FOXJ2: variants seen among roughly 807,000 people sequenced by gnomAD.
The protein encoded by FOXJ2 is forkhead box J2, also known as forkhead box protein J2.
A neutral mutation model predicts 68.4 loss-of-function variants in FOXJ2; 18 were observed. The ratio of observed to expected loss-of-function variants is 0.26; its 90% CI spans 0.18 to 0.39. The LOEUF (loss-of-function observed/expected upper bound fraction) is 0.39. FOXJ2 is among the 10% of genes least tolerant of loss of function. FOXJ2 has a pLI of 1.00. For missense variants in FOXJ2, 670 were observed against 726.5 expected (o/e 0.92, Z 0.89); for synonymous variants, 274 against 263.2 (o/e 1.04, Z -0.40).
At chr12:8,044,376 A>T (rs889336240) in intron 5 of FOXJ2, among the ~76,000 whole-genome samples, 1 of 152,062 alleles carries the variant, frequency 6.6e-6, no homozygotes, top group Non-Finnish European at 1.5e-5. Flanking sequence ...CGAGCTTGAG[A>T]CCCGCCTATC....
intron 10 of FOXJ2, among the ~76,000 whole-genome samples, chr12:8,052,184 T>C (rs1947134335): frequency 6.6e-6 from 1 of 152,118 alleles, no homozygotes. Flanking sequence ...TATTATCTTC[T>C]GTATGTTATT....
intron 1 of FOXJ2, 146 bp from the exon 2 acceptor site, chr12:8,039,672 TG>T: frequency 1.5e-6 from 1 of 681,322 alleles, no homozygotes; most frequent in Non-Finnish European, 2.5e-6. Flanking sequence ...TAGATCTGCT[TG>T]GGGATTCTGG....
intron 3 of FOXJ2, among the ~76,000 whole-genome samples, chr12:8,043,233 A>AC (rs1451809743): frequency 2.0e-5 from 3 of 151,552 alleles, no homozygotes; most frequent in African/African-American, 7.3e-5. Context: ...AAAAAAAAAA[A>AC]AAAAAGACTG....
At position 8,048,747 on chromosome 12, in the gene FOXJ2, A is replaced by T; in HGVS notation, c.1276A>T (p.Lys426Ter). Reference sequence around the variant, plus strand: ...TATTGACTCTTTAAAGGAAAGCTTCAAGATGGTGAATCGGCTCAATTGGTC... The same window carrying T: ...TATTGACTCTTTAAAGGAAAGCTTCTAGATGGTGAATCGGCTCAATTGGTC... ...SNIDSLKESF[K>*]MVNRLNWSSI... The change falls in exon 8 of 11, where the codon AAG becomes TAG. Residue 426 changes from lysine (K) to a stop codon, truncating the protein, a stop_gained. Transcript: ENST00000162391. LOFTEE classifies it high-confidence loss of function. 1 of 1,614,172 alleles carries T rather than the reference A, an allele frequency of 6.2e-7. No homozygotes were observed. The highest frequency in any genetic ancestry group is 8.5e-7 in the Non-Finnish European group (1 of 1,180,036).
chr12:8,035,373 C>T lies in FOXJ2; in HGVS notation c.-15+1540C>T, dbSNP rs1159497324. Among the ~76,000 whole-genome samples the T allele has an allele frequency of 2.6e-5, 4 of 152,088 alleles. No individual in the cohort carries two copies. The highest frequency in any genetic ancestry group is 1.3e-4 in the Admixed American group (2 of 15,262). ...TGGCCTCCCCCCAGTCAATGGGAGC[C>T]CTCGTGACGGTCTACAGGACAGTCC... On this transcript the variant is annotated intron_variant, in intron 1 of 10. Transcript: ENST00000162391. The surrounding 1 kb of genome is among the most constrained non-coding windows in gnomAD (Gnocchi z 4.0).
At chr12:8,050,692 C>T (rs971554691) in intron 10 of FOXJ2, 72 bp downstream of exon 10, 177 of 1,550,570 alleles carry the variant, frequency 1.1e-4, no homozygotes, top group Non-Finnish European at 1.5e-4. Context: ...TGACTCTGAG[C>T]TGGCATTCTG....
At chr12:8,046,835 T>C (rs1565629853) in intron 6 of FOXJ2, among the ~76,000 whole-genome samples, 1 of 152,218 alleles carries the variant, frequency 6.6e-6, no homozygotes, top group African/African-American at 2.4e-5. Flanking sequence ...TTTTCATGAA[T>C]TTCTTCTTGT....
At position 8,033,097 on chromosome 12, in the gene FOXJ2, G is replaced by T. The variant is rs1473495757; in HGVS notation, c.-751G>T. The T allele has an allele frequency of 2.6e-6, 1 of 382,708 alleles. No individual in the cohort carries two copies. Among genetic ancestry groups the T allele is most frequent in the East Asian group, 3.7e-5 (1 of 26,902 alleles). 23.7% of individuals were successfully genotyped at this position (382,708 alleles called of 1,614,324 possible). On this transcript the variant is annotated 5_prime_UTR_variant, in exon 1 of 11. Transcript: ENST00000162391. ...GAAAGAAGAGACCCCTGGAGGGGAC[G>T]CCTCTCTCCTGCCTAGAGGCGAGGA...
chr12:8,038,005 G>A lies in FOXJ2; in HGVS notation c.-14-1814G>A, dbSNP rs762699000. ...GGATAAAGGGGAAACCCTTCATGAC[G>A]CTATTTATAAACATGCCAGCCCCCC... is the stretch of plus-strand genomic sequence containing the variant. On this transcript the variant is annotated intron_variant, in intron 1 of 10. Coordinates refer to ENST00000162391, the MANE Select transcript of FOXJ2 (RefSeq NM_018416.3). The surrounding 1 kb of genome is among the most constrained non-coding windows in gnomAD (Gnocchi z 5.3). Among the ~76,000 whole-genome samples the A allele has an allele frequency of 4.6e-5, 7 of 152,278 alleles. No homozygotes were observed. Among genetic ancestry groups the A allele is most frequent in the Admixed American group, 2.0e-4 (3 of 15,296 alleles).
chr12:8,043,787 G>A lies in FOXJ2; in HGVS notation c.477+18G>A, dbSNP rs1344241546. 3 of 1,614,018 alleles carry A rather than the reference G, an allele frequency of 1.9e-6. No individual in the cohort carries two copies. Among genetic ancestry groups the A allele is most frequent in the African/African-American group, 2.7e-5 (2 of 74,932 alleles). ...ATGATGATGTAAGTTCCCAGCTCAT[G>A]AGGAGATGCCATATCTGAGCCAGCT... On this transcript the variant is annotated intron_variant, in intron 4 of 10. Transcript: ENST00000162391.
intron 1 of FOXJ2, among the ~76,000 whole-genome samples, chr12:8,037,616 G>C (rs1946914787): frequency 6.6e-6 from 1 of 152,124 alleles, no homozygotes; most frequent in South Asian, 2.1e-4. Context: ...TCAACTGAAG[G>C]CCTCCGTGCT....
chr12:8,050,443 A>G (rs759336590), intron 9 of FOXJ2, 79 bp from the exon 10 acceptor site: 3 of 1,551,824 alleles, frequency 1.9e-6, no homozygotes, highest in East Asian at 4.6e-5. Context: ...GAGCAAGGGT[A>G]TATTTTTTTC....
At chr12:8,052,665 C>T in intron 10 of FOXJ2, 97 bp from the exon 11 acceptor site, 1 of 1,049,312 alleles carries the variant, frequency 9.5e-7, no homozygotes, top group Non-Finnish European at 1.4e-6. Context: ...ACAAGGCCTT[C>T]TTCGTGGTGT....
Position 8,033,294 on chromosome 12 carries a change from A to T in FOXJ2, c.-554A>T, listed in dbSNP as rs897045200. ...ACGGGGCTGTGCCTGTGGAGTAGGC[A>T]CCCTCGGCCCACCACTATTCACAGG... On this transcript the variant is annotated 5_prime_UTR_variant, in exon 1 of 11. Transcript: ENST00000162391. The T allele has an allele frequency of 6.2e-6, 1 of 161,452 alleles. No homozygotes were observed. The allele number at this position is 161,452 out of a possible 1,614,324, so 10.0% of individuals were successfully genotyped here. A position where few individuals can be genotyped will look rare whatever the true frequency, so the allele number is the denominator to read the frequency against.
At chr12:8,050,944 C>T (rs1278974958) in intron 10 of FOXJ2, among the ~76,000 whole-genome samples, 1 of 115,668 alleles carries the variant, frequency 8.6e-6, no homozygotes, top group Non-Finnish European at 1.8e-5. Context: ...CTTCCCCTTC[C>T]CTTCCCCTTC....
Position 8,044,968 on chromosome 12 carries a change from G to A in FOXJ2, c.817+10G>A. The A allele has an allele frequency of 6.2e-7, 1 of 1,613,882 alleles. No individual in the cohort carries two copies. The stretch of plus-strand genomic sequence containing the variant: ...TCCTCCTCTCAGCACGGTGAGTCTG[G>A]AGTTGGGATGGGTGCAGGGAGACTT... On this transcript the variant is annotated intron_variant, in intron 6 of 10. Transcript: ENST00000162391.
At position 8,048,114 on chromosome 12, in the gene FOXJ2, G is replaced by A. The variant is rs775604987; in HGVS notation, c.1050G>A (p.Lys350=). 3.7e-6 allele frequency: 6 copies of A among 1,612,914 alleles called. No individual in the cohort carries two copies. In the Admixed American group the frequency reaches 1.0e-4, roughly 27 times the overall value. ...STDGCTPPGG[K]QAGAEGYGPP... ...ATGGTTGTACCCCACCAGGGGGAAA[G>A]CAAGCTGGGGCGGAAGGCTATGGGC... Residue 350 remains lysine, a synonymous_variant, in exon 7 of 11, where the codon AAG becomes AAA. Coordinates refer to ENST00000162391, the MANE Select transcript of FOXJ2 (RefSeq NM_018416.3).
chr12:8,047,788 T>C, intron 6 of FOXJ2, 94 bp from the exon 7 acceptor site: 1 of 1,456,420 alleles, frequency 6.9e-7, no homozygotes, highest in Non-Finnish European at 9.2e-7. Context: ...CTCCACAGTT[T>C]TAGTCTGAGG....
At position 8,035,416 on chromosome 12, in the gene FOXJ2, C is replaced by G. The variant is rs894404412; in HGVS notation, c.-15+1583C>G. On this transcript the variant is annotated intron_variant, in intron 1 of 10. Transcript: ENST00000162391. The surrounding 1 kb of genome is among the most constrained non-coding windows in gnomAD (Gnocchi z 4.0). ...GACAGTCCTTTAAGCAGCAGGGCAA[C>G]CCAGTCTCAGGCTGGGATCATTTCT... 6.6e-6 allele frequency among the ~76,000 whole-genome samples: 1 copy of G among 152,104 alleles called. No individual in the cohort carries two copies. The highest frequency in any genetic ancestry group is 2.4e-5 in the African/African-American group (1 of 41,422).
Sources: allele counts gnomAD v4.1 joint callset (sites outside exome capture counted in the v4.1 genomes callset), GRCh38; gene constraint gnomAD v4.1.1; non-coding constraint Gnocchi (gnomAD v3.1); transcripts MANE v1.5; gene names NCBI Gene and HGNC (gene_info 2026-07-23, HGNC 2026-07-21).